SYNE2: variants seen among roughly 807,000 people sequenced by gnomAD.
The protein encoded by SYNE2 is nesprin-2.
In SYNE2, 431 loss-of-function variants were observed where a neutral mutation model predicts 856.3. The ratio of observed to expected loss-of-function variants is 0.50; its 90% CI spans 0.47 to 0.55. The LOEUF is 0.55. SYNE2 is among the 20% of genes least tolerant of loss of function. SYNE2 has a pLI of 0.00. For missense variants in SYNE2, 8,129 were observed against 8,023.2 expected, an observed-to-expected ratio of 1.01 and a Z score of -0.50; for synonymous variants, 2,923 against 2,872.3, an observed-to-expected ratio of 1.02 and a Z score of -0.56.
At chr14:63,955,402 C>T (rs936972127) in intron 8 of SYNE2, among the ~76,000 whole-genome samples, 2 of 152,112 alleles carry the variant, frequency 1.3e-5, no homozygotes, top group African/African-American at 4.8e-5. Flanking sequence ...CAACAACATC[C>T]TAAGTACTGG....
chr14:63,885,494 A>T (rs957755692), intron 1 of SYNE2, among the ~76,000 whole-genome samples: 2 of 152,152 alleles, frequency 1.3e-5, no homozygotes, highest in African/African-American at 2.4e-5. Context: ...CCTCAACATA[A>T]TTGTTTCCTA....
intron 2 of SYNE2, among the ~76,000 whole-genome samples, chr14:63,928,386 G>A (rs1035194713): frequency 6.6e-6 from 1 of 152,238 alleles, no homozygotes; most frequent in African/African-American, 2.4e-5. Context: ...GTTGCTCACT[G>A]TGTTTATCAG....
At chr14:63,813,056 A>G (rs1888678103) in intron 1 of SYNE2, among the ~76,000 whole-genome samples, 1 of 152,196 alleles carries the variant, frequency 6.6e-6, no homozygotes, top group Non-Finnish European at 1.5e-5. Context: ...ATATATAAGT[A>G]CTGCAGTCAA....
intron 93 of SYNE2, among the ~76,000 whole-genome samples, chr14:64,169,506 C>G (rs1161062655): frequency 6.6e-6 from 1 of 152,206 alleles, no homozygotes; most frequent in African/African-American, 2.4e-5. Flanking sequence ...TCTGCTCATG[C>G]AGCTGTACAC....
chr14:64,025,637 G>T (rs2096971886), intron 41 of SYNE2, among the ~76,000 whole-genome samples: 1 of 152,248 alleles, frequency 6.6e-6, no homozygotes. Flanking sequence ...TCCTGTCTTA[G>T]AGAGAGCAGT....
chr14:63,841,208 C>T (rs1890057048), intron 1 of SYNE2, among the ~76,000 whole-genome samples: 1 of 152,110 alleles, frequency 6.6e-6, no homozygotes. Flanking sequence ...GGGACTGGTT[C>T]TCTGGTGCAC....
chr14:64,114,260 G>A (rs2097837128), intron 66 of SYNE2, among the ~76,000 whole-genome samples: 2 of 152,140 alleles, frequency 1.3e-5, no homozygotes, highest in South Asian at 2.1e-4. Context: ...TCCCTCCAGG[G>A]AGAGGCTAGA....
At position 64,103,503 on chromosome 14, in the gene SYNE2, G is replaced by T. The variant is rs183459564; in HGVS notation, c.12492+1461G>T. The stretch of plus-strand genomic sequence containing the variant: ...TTGTAAGGCTATGTGAAAACTACGT[G>T]CTTCCTTTGCTCCCGGAAGATCTCT... On this transcript the variant is annotated intron_variant, in intron 64 of 115. Coordinates refer to ENST00000555002, the MANE Select transcript of SYNE2 (RefSeq NM_182914.3). 1.4e-3 allele frequency among the ~76,000 whole-genome samples: 216 copies of T among 152,190 alleles called. 1 individual carries two copies. Among genetic ancestry groups the T allele is most frequent in the African/African-American group, 4.9e-3 (204 of 41,500 alleles).
intron 61 of SYNE2, among the ~76,000 whole-genome samples, chr14:64,094,454 T>C (rs1424781939): frequency 2.0e-5 from 3 of 152,230 alleles, no homozygotes; most frequent in Admixed American, 1.3e-4. Context: ...GTAGCATTTC[T>C]ATAATAAAAA....
intron 32 of SYNE2, among the ~76,000 whole-genome samples, chr14:64,014,946 T>TACAC (rs1467059116): frequency 2.9e-5 from 3 of 102,182 alleles, no homozygotes; most frequent in African/African-American, 1.8e-4. Context: ...TATATATATA[T>TACAC]ATATATATAT....
chr14:64,159,244 A>T, intron 86 of SYNE2, 68 bp from the exon 87 acceptor site: 1 of 1,605,446 alleles, frequency 6.2e-7, no homozygotes, highest in Non-Finnish European at 8.5e-7. Context: ...AAGTGTTGAG[A>T]AGCTGCCACC....
At chr14:63,939,365 T>G (rs1313813019) in intron 2 of SYNE2, among the ~76,000 whole-genome samples, 1 of 148,328 alleles carries the variant, frequency 6.7e-6, no homozygotes, top group Non-Finnish European at 1.5e-5. Flanking sequence ...TTTTTTTTTT[T>G]GAGACGAAGT....
At chr14:64,132,165 G>A (rs1302872206) in intron 76 of SYNE2, 100 bp from the exon 77 acceptor site, 1 of 1,418,626 alleles carries the variant, frequency 7.0e-7, no homozygotes, top group African/African-American at 1.4e-5. Flanking sequence ...TGGGATTTTG[G>A]ATTTAAAACA....
chr14:63,796,497 TAAA>T (rs1033835482), intron 1 of SYNE2, among the ~76,000 whole-genome samples: 1 of 151,858 alleles, frequency 6.6e-6, no homozygotes, highest in African/African-American at 2.4e-5. Flanking sequence ...AAAGGTTTGA[TAAA>T]GAAGAATCAT....
chr14:63,874,433 A>T (rs2094667476), intron 1 of SYNE2, among the ~76,000 whole-genome samples: 1 of 152,086 alleles, frequency 6.6e-6, no homozygotes, highest in African/African-American at 2.4e-5. Context: ...GTTGGGAGCT[A>T]ACAAAGTACC....
In SYNE2 at chr14:64,024,339, A is replaced by G; in HGVS notation, c.5720A>G (p.Lys1907Arg). 1 of 1,614,186 alleles carries G rather than the reference A, an allele frequency of 6.2e-7. No homozygotes were observed. Among genetic ancestry groups the G allele is most frequent in the Non-Finnish European group, 8.5e-7 (1 of 1,180,012 alleles). ...VLKHVKKHLPKAHVKELISWL... is the reference protein window; with the variant it reads ...VLKHVKKHLPRAHVKELISWL... ...AAGCATGTGAAGAAGCATCTGCCCA[A>G]AGCACATGTGAAGGAGCTTATCAGT... Residue 1907 changes from lysine (K) to arginine (R), a missense_variant, in exon 39 of 116, where the codon AAA becomes AGA. Transcript: ENST00000555002.
chr14:63,816,681 G>A (rs1376173321), intron 1 of SYNE2, among the ~76,000 whole-genome samples: 1 of 150,382 alleles, frequency 6.6e-6, no homozygotes, highest in Non-Finnish European at 1.5e-5. Flanking sequence ...ACAGAGAAAA[G>A]TCTGAACAAA....
intron 105 of SYNE2, 50 bp downstream of exon 105, chr14:64,213,055 G>A (rs751330835): frequency 2.8e-5 from 44 of 1,598,868 alleles, no homozygotes; most frequent in African/African-American, 5.4e-5. Context: ...CAGAGTTTAC[G>A]TGAGACCAAA....
At chr14:63,893,071 T>C (rs2095171868) in intron 1 of SYNE2, among the ~76,000 whole-genome samples, 1 of 152,178 alleles carries the variant, frequency 6.6e-6, no homozygotes, top group Non-Finnish European at 1.5e-5. Context: ...GCCCTGTGTT[T>C]TGGGGCAGCC....
Sources: gnomAD v4.1 joint callset for allele counts (sites outside exome capture counted in the v4.1 genomes callset) on GRCh38, gnomAD v4.1.1 for gene constraint, MANE v1.5 for transcripts, NCBI Gene and HGNC (gene_info 2026-07-23, HGNC 2026-07-21) for gene names.